RRM2: variants seen among roughly 807,000 people sequenced by gnomAD.
The protein encoded by RRM2 is ribonucleoside-diphosphate reductase subunit M2.
Under a neutral mutation model 45.9 loss-of-function variants are expected in RRM2, and 6 were observed. That is an observed-to-expected ratio of 0.13 (90% CI 0.07 to 0.26). The LOEUF (loss-of-function observed/expected upper bound fraction) is 0.26. Among genes scored for constraint, RRM2 ranks in the 10% least tolerant of loss-of-function variants. RRM2 has a pLI of 1.00. For missense variants in RRM2, 343 were observed against 489.5 expected, an observed-to-expected ratio of 0.70 and a Z score of 2.82; for synonymous variants, 177 against 173.0, an observed-to-expected ratio of 1.02 and a Z score of -0.18.
chr2:10,141,925 G>A, exon 2 of RRM2: 1 of 1,578,658 alleles, frequency 6.3e-7, no homozygotes, highest in African/African-American at 1.3e-5. Flanking sequence ...CAGTGAGGGA[G>A]ATGGAGACCA....
At position 10,127,370 on chromosome 2, in the gene RRM2, G is replaced by A; in HGVS notation, c.798+150G>A. ...CCATACACATACTTGACAAAAGAAG[G>A]AAATACTTTCATTTACTGAAACTGT... On this transcript the variant is annotated intron_variant, in intron 7 of 9. Transcript: ENST00000304567. This position sits in a 1 kb window ranked among gnomAD's most constrained non-coding sequence, Gnocchi z 4.1. The A allele has an allele frequency of 1.4e-6, 1 of 732,280 alleles. No individual in the cohort carries two copies. The highest frequency in any genetic ancestry group is 2.2e-6 in the Non-Finnish European group (1 of 459,284). 45.4% of individuals were successfully genotyped at this position (732,280 alleles called of 1,614,324 possible). A position where few individuals can be genotyped will look rare whatever the true frequency, so the allele number is the denominator to read the frequency against.
intron 3 of RRM2, among the ~76,000 whole-genome samples, chr2:10,147,289 T>C (rs1663209055): frequency 6.6e-6 from 1 of 151,956 alleles, no homozygotes; most frequent in Non-Finnish European, 1.5e-5. Flanking sequence ...TTTTTTGTTT[T>C]GTTTTGTTTT....
chr2:10,193,351 G>T (rs1004210194), intron 3 of RRM2, among the ~76,000 whole-genome samples: 1 of 152,176 alleles, frequency 6.6e-6, no homozygotes, highest in Non-Finnish European at 1.5e-5. Flanking sequence ...CCTTCTGGTG[G>T]CCTCCTCTCC....
intron 3 of RRM2, among the ~76,000 whole-genome samples, chr2:10,154,139 T>C (rs988498100): frequency 1.3e-5 from 2 of 152,220 alleles, no homozygotes; most frequent in African/African-American, 2.4e-5. Context: ...AGTGATGAAC[T>C]GAAGTATGGA....
At chr2:10,162,606 G>C (rs961409669) in intron 3 of RRM2, among the ~76,000 whole-genome samples, 1 of 152,136 alleles carries the variant, frequency 6.6e-6, no homozygotes, top group African/African-American at 2.4e-5. Context: ...ACTTTTTTCT[G>C]GGAGGGATGA....
At position 10,169,288 on chromosome 2, in the gene RRM2, G is replaced by C. The variant is rs147338509; in HGVS notation, n.482+26913G>C. On this transcript the variant is annotated intron_variant and non_coding_transcript_variant, in intron 3 of 3. Transcript: ENST00000381786. This position sits in a 1 kb window ranked among gnomAD's most constrained non-coding sequence, Gnocchi z 5.1. ...CCACTGTGCCCAGCTGCTTCTCTTT[G>C]TAAGTTCCCAAGTTGAAGCACCCCC... is the stretch of plus-strand genomic sequence containing the variant. Among the ~76,000 whole-genome samples the C allele has an allele frequency of 7.3e-4, 111 of 151,906 alleles. No homozygotes were observed. In the East Asian group the frequency reaches 0.017, roughly 23 times the overall value.
In RRM2 at chr2:10,141,784, C is replaced by CTGGGGT. The variant is rs1663084957; in HGVS notation, n.261-65_261-64insTTGGGG. The CTGGGGT allele has an allele frequency of 1.9e-6, 3 of 1,542,536 alleles. No individual in the cohort carries two copies. The African/African-American group carries it at 4.1e-5, about 21-fold the overall frequency. ...CCCAGGAGGTGGCCATGGCCTGGGG[C>CTGGGGT]TGGGGCTGGGGCTGGGAGGCGGTTG... On this transcript the variant is annotated intron_variant and non_coding_transcript_variant, in intron 1 of 3. Transcript: ENST00000381786.
At chr2:10,190,181 T>G (rs1304758983) in intron 3 of RRM2, among the ~76,000 whole-genome samples, 420 of 72,906 alleles carry the variant, frequency 5.8e-3, no homozygotes, top group Middle Eastern at 0.031. Flanking sequence ...TGGTGATGGT[T>G]ATGATGGTGG....
chr2:10,167,394 G>A (rs532164813), intron 3 of RRM2, among the ~76,000 whole-genome samples: 9 of 152,308 alleles, frequency 5.9e-5, no homozygotes, highest in Non-Finnish European at 1.3e-4. Flanking sequence ...CTCACTGCTC[G>A]GCTTGGACTC....
chr2:10,163,034 C>G (rs546757872), intron 3 of RRM2, among the ~76,000 whole-genome samples: 10 of 152,216 alleles, frequency 6.6e-5, no homozygotes, highest in Non-Finnish European at 1.5e-4. Flanking sequence ...CTGAGCTCAT[C>G]AGTGAAGCAG....
intron 3 of RRM2, chr2:10,142,467 T>A: frequency 7.9e-7 from 1 of 1,263,654 alleles, no homozygotes; most frequent in Non-Finnish European, 1.1e-6. Context: ...CCTAGCTCAG[T>A]GTACAGGGCC....
intron 5 of RRM2, 131 bp downstream of exon 5, chr2:10,124,981 G>A (rs992973376): frequency 2.9e-5 from 23 of 796,652 alleles, no homozygotes; most frequent in Middle Eastern, 3.0e-4. Context: ...CCCAGCACCC[G>A]TGGTCATGTC....
chr2:10,190,450 T>TGC (rs1314118054), intron 3 of RRM2, among the ~76,000 whole-genome samples: 17 of 81,914 alleles, frequency 2.1e-4, no homozygotes, highest in Non-Finnish European at 1.0e-4. Context: ...GATGATGATG[T>TGC]GATGATGGTG....
At chr2:10,135,499 C>A (rs1208577650), downstream of RRM2, among the ~76,000 whole-genome samples, 2 of 152,102 alleles carry the variant, frequency 1.3e-5, no homozygotes, top group Non-Finnish European at 2.9e-5. Flanking sequence ...AGGGGAGGGG[C>A]ATGCGTGCGG....
At position 10,123,032 on chromosome 2, in the gene RRM2, G is replaced by A. The variant is rs1662697040; in HGVS notation, c.149G>A (p.Arg50Lys). The change falls in exon 2 of 10, where the codon AGG (arginine) becomes AAG (lysine). Residue 50 changes from arginine to lysine, a missense_variant. Coordinates refer to ENST00000304567, the MANE Select transcript of RRM2 (RefSeq NM_001034.4). ...TRVLASKTAR[R>K]IFQEPTEPKT... The stretch of plus-strand genomic sequence containing the variant: ...GTCCTGGCCAGCAAGACCGCGAGGA[G>A]GATCTTCCAGGAGCCCACGGAGCCG... 6.4e-7 allele frequency: 1 copy of A among 1,566,316 alleles called. No individual in the cohort carries two copies. The highest frequency in any genetic ancestry group is 1.2e-5 in the South Asian group (1 of 86,754).
chr2:10,210,324 C>T (rs1378761211), exon 4 of RRM2: 2 of 1,367,454 alleles, frequency 1.5e-6, no homozygotes, highest in Admixed American at 3.8e-5. Flanking sequence ...TCCAGGATCT[C>T]AACCAGTTCT....
intron 3 of RRM2, among the ~76,000 whole-genome samples, chr2:10,199,578 A>G (rs56051374): frequency 0.028 from 4,200 of 151,790 alleles, 132 homozygotes; most frequent in African/African-American, 0.072. Context: ...TCAGGAGATC[A>G]AGACCATCCT....
chr2:10,176,515 G>A (rs1481054987), intron 3 of RRM2, among the ~76,000 whole-genome samples: 4 of 152,130 alleles, frequency 2.6e-5, no homozygotes, highest in Non-Finnish European at 5.9e-5. Flanking sequence ...TGATCTGCCC[G>A]CCTCGGCCTC....
chr2:10,210,557 C>A, exon 4 of RRM2: 1 of 1,366,550 alleles, frequency 7.3e-7, no homozygotes, highest in Non-Finnish European at 9.8e-7. Context: ...GCCTGCGGAG[C>A]AGGTGGACCC....
Sources: gnomAD v4.1 joint callset for allele counts (sites outside exome capture counted in the v4.1 genomes callset) on GRCh38, gnomAD v4.1.1 for gene constraint, Gnocchi (gnomAD v3.1) non-coding constraint, MANE v1.5 for transcripts, NCBI Gene and HGNC (gene_info 2026-07-23, HGNC 2026-07-21) for gene names.